The following TPO variants were observed in gnomAD, a reference collection of about 807,000 sequenced individuals.
The protein encoded by TPO is thyroid peroxidase, also known as thyroid microsomal antigen.
A neutral mutation model predicts 96.9 loss-of-function variants in TPO; 78 were observed. The ratio of observed to expected loss-of-function variants is 0.81; its 90% confidence interval spans 0.67 to 0.97. The LOEUF (loss-of-function observed/expected upper bound fraction) is 0.97, where lower values mean the gene tolerates loss of function less well. Among genes scored for constraint, TPO ranks in the 50% least tolerant of loss-of-function variants. The pLI is 0.00. For synonymous variants in TPO, 547 were observed against 538.0 expected, an observed-to-expected ratio of 1.02 and a Z score of -0.23; for missense variants, 1,252 against 1,274.8, an observed-to-expected ratio of 0.98 and a Z score of 0.27.
At chr2:1,490,488 T>A (rs1355059926) in intron 10 of TPO, among the ~76,000 whole-genome samples, 3 of 129,760 alleles carry the variant, frequency 2.3e-5, no homozygotes, top group Non-Finnish European at 3.3e-5. Flanking sequence ...ACAGGGGGAG[T>A]CACGACACAG....
intron 1 of TPO, among the ~76,000 whole-genome samples, chr2:1,396,667 C>T (rs1245287966): frequency 6.6e-6 from 1 of 152,168 alleles, no homozygotes; most frequent in African/African-American, 2.4e-5. Context: ...GGGAGACAGT[C>T]TCATCCCAAA....
intron 3 of TPO, among the ~76,000 whole-genome samples, chr2:1,428,428 C>A (rs548229707): frequency 6.6e-6 from 1 of 152,284 alleles, no homozygotes; most frequent in African/African-American, 2.4e-5. Context: ...CTGAGCTACA[C>A]GGCAGTTGCA....
At chr2:1,422,387 CCG>C (rs1663817700) in intron 2 of TPO, among the ~76,000 whole-genome samples, 1 of 150,230 alleles carries the variant, frequency 6.7e-6, no homozygotes, top group African/African-American at 2.4e-5. Flanking sequence ...CGTGCAGGCG[CCG>C]CGCTGGGCCA....
chr2:1,528,187 TC>T (rs1363488428), intron 15 of TPO, among the ~76,000 whole-genome samples: 1 of 43,492 alleles, frequency 2.3e-5, no homozygotes, highest in African/African-American at 9.9e-5. Context: ...AACCCCCACA[TC>T]CCCCCACTGT....
chr2:1,459,685 T>A (rs1344122325), intron 7 of TPO, among the ~76,000 whole-genome samples: 1 of 151,978 alleles, frequency 6.6e-6, no homozygotes, highest in Non-Finnish European at 1.5e-5. Flanking sequence ...AATCAAGACA[T>A]CTAAACAAAA....
At chr2:1,415,608 G>T (rs1392604483) in intron 2 of TPO, among the ~76,000 whole-genome samples, 1 of 147,332 alleles carries the variant, frequency 6.8e-6, no homozygotes, top group Non-Finnish European at 1.5e-5. Context: ...CACCTCACTG[G>T]GCAGGTCCCT....
Position 1,436,369 on chromosome 2 carries a change from G to A in TPO, c.467G>A (p.Gly156Glu). 1 of 1,614,160 alleles carries A rather than the reference G, an allele frequency of 6.2e-7. No individual in the cohort carries two copies. Among genetic ancestry groups the A allele is most frequent in the Non-Finnish European group, 8.5e-7 (1 of 1,180,022 alleles). ...CLANKYRPITGACNNRDHPRW... is the reference protein window; with the variant it reads ...CLANKYRPITEACNNRDHPRW... Reference sequence around the variant, plus strand: ...GCGAACAAATACAGGCCCATCACAGGAGCTTGCAACAACAGGTATTGTTTG... The same window carrying A: ...GCGAACAAATACAGGCCCATCACAGAAGCTTGCAACAACAGGTATTGTTTG... Residue 156 changes from glycine to glutamate, a missense_variant, in exon 5 of 17, where the codon GGA becomes GAA. By Grantham distance (98) the Gly-to-Glu change is moderately conservative (BLOSUM62 -2). Transcript: ENST00000329066.
chr2:1,445,898 G>T (rs1329473253), intron 5 of TPO, among the ~76,000 whole-genome samples: 2 of 151,850 alleles, frequency 1.3e-5, no homozygotes, highest in African/African-American at 2.4e-5. Context: ...AAGGGAATGG[G>T]GCAGGCTCCT....
chr2:1,400,602 CTT>C (rs1662152620), intron 1 of TPO, among the ~76,000 whole-genome samples: 1 of 118,762 alleles, frequency 8.4e-6, no homozygotes, highest in Non-Finnish European at 1.6e-5. Flanking sequence ...ATATTTGTGA[CTT>C]TACATTACAT....
chr2:1,462,046 C>T (rs542455980), intron 7 of TPO, among the ~76,000 whole-genome samples: 2 of 152,292 alleles, frequency 1.3e-5, no homozygotes, highest in South Asian at 4.1e-4. Flanking sequence ...AGAGTGAGCC[C>T]GGTCACCCCA....
chr2:1,429,124 G>C (rs563982250), intron 3 of TPO, among the ~76,000 whole-genome samples: 1 of 152,150 alleles, frequency 6.6e-6, no homozygotes, highest in Non-Finnish European at 1.5e-5. Context: ...TGAGTGATTT[G>C]CCCCATCCCG....
At chr2:1,523,590 AC>A (rs1675698566) in intron 15 of TPO, among the ~76,000 whole-genome samples, 1 of 37,852 alleles carries the variant, frequency 2.6e-5, no homozygotes, top group Non-Finnish European at 5.0e-5. Flanking sequence ...CAAATCCCCC[AC>A]ACTGTGTGCA....
intron 10 of TPO, among the ~76,000 whole-genome samples, chr2:1,490,391 C>A (rs1185050350): frequency 6.1e-5 from 4 of 65,044 alleles, no homozygotes; most frequent in Non-Finnish European, 1.2e-4. Context: ...GGGGGAGTCA[C>A]GACACAGCAG....
intron 14 of TPO, among the ~76,000 whole-genome samples, chr2:1,506,248 A>G (rs60987704): frequency 0.28 from 41,602 of 147,842 alleles, 6,007 homozygotes; most frequent in Admixed American, 0.33. Context: ...ATTCTATGGT[A>G]TATATGTGCC....
Position 1,533,891 on chromosome 2 carries a change from A to G in TPO, c.2619-6703A>G, listed in dbSNP as rs1266244272. On this transcript the variant is annotated intron_variant, in intron 15 of 16. Transcript: ENST00000329066. ...CCAAATCCCCCCCACTCTGTGTGCA[A>G]CCTCCCCAGATCTCCTTTCTGTGCA... Among the ~76,000 whole-genome samples, 5 of 84,522 alleles carry G rather than the reference A, an allele frequency of 5.9e-5. 1 individual carries two copies. The highest frequency in any genetic ancestry group is 2.2e-4 in the African/African-American group (5 of 22,902). The allele number at this position is 84,522 out of a possible 152,430, so 55.4% of individuals were successfully genotyped here.
chr2:1,393,304 G>A (rs546739875), intron 1 of TPO, among the ~76,000 whole-genome samples: 5 of 152,326 alleles, frequency 3.3e-5, no homozygotes, highest in South Asian at 2.1e-4. Flanking sequence ...TAACCCATTC[G>A]TGAGAAATCG....
At chr2:1,489,681 A>T (rs1671530968) in intron 10 of TPO, among the ~76,000 whole-genome samples, 1 of 151,686 alleles carries the variant, frequency 6.6e-6, no homozygotes, top group African/African-American at 2.4e-5. Flanking sequence ...TGAATGAATG[A>T]ATGTTTGGGC....
At chr2:1,459,068 C>T (rs1356637000) in intron 7 of TPO, among the ~76,000 whole-genome samples, 2 of 152,058 alleles carry the variant, frequency 1.3e-5, no homozygotes, top group East Asian at 1.9e-4. Context: ...AATGTTCACT[C>T]TTACCAGAAA....
At chr2:1,390,904 G>A (rs1661989966) in intron 1 of TPO, among the ~76,000 whole-genome samples, 2 of 151,954 alleles carry the variant, frequency 1.3e-5, no homozygotes, top group Admixed American at 6.6e-5. Context: ...AAATTTGTTT[G>A]CATTCTTTGT....
Sources: allele counts gnomAD v4.1 joint callset (sites outside exome capture counted in the v4.1 genomes callset), GRCh38; gene constraint gnomAD v4.1.1; transcripts MANE v1.5; gene names NCBI Gene and HGNC (gene_info 2026-07-23, HGNC 2026-07-21).